The following CTU1 variants were observed in gnomAD, a reference collection of about 807,000 sequenced individuals.
CTU1 encodes cytosolic thiouridylase subunit 1.
In CTU1, 15 loss-of-function variants were observed where a neutral mutation model predicts 12.9. The observed-to-expected ratio is 1.16, with a 90% CI of 0.78 to 1.79. The LOEUF (loss-of-function observed/expected upper bound fraction) is 1.79. Among genes scored for constraint, CTU1 ranks in the 40% most tolerant of loss-of-function variants. The pLI, the probability that CTU1 is intolerant of heterozygous loss-of-function variation, is 0.00. For synonymous variants in CTU1, 295 were observed against 275.6 expected, an observed-to-expected ratio of 1.07 and a Z score of -0.70; for missense variants, 553 against 550.5, an observed-to-expected ratio of 1.00 and a Z score of -0.05.
rs1263326800 is a variant in CTU1, at chr19:51,098,278, C to A, written c.*323G>T. 4 of 183,870 alleles carry A rather than the reference C, an allele frequency of 2.2e-5. No individual in the cohort carries two copies. Among genetic ancestry groups the A allele is most frequent in the African/African-American group, 9.4e-5 (4 of 42,478 alleles). 11.4% of individuals were successfully genotyped at this position (183,870 alleles called of 1,614,324 possible). A position where few individuals can be genotyped will look rare whatever the true frequency, so the allele number is the denominator to read the frequency against. ...CCTGAGACCCAGGAGTCCACGACCC[C>A]AGGCCCTCCTTCCTCAGCCACAGAT... On this transcript the variant is annotated 3_prime_UTR_variant, in exon 3 of 3. Coordinates refer to ENST00000421832, the MANE Select transcript of CTU1 (RefSeq NM_145232.4). The surrounding 1 kb of genome is among the most constrained non-coding windows in gnomAD (Gnocchi z 4.3).
At position 51,099,159 on chromosome 19, in the gene CTU1, G is replaced by A. The variant is rs551527388; in HGVS notation, c.509-20C>T. 21 of 1,563,912 alleles carry A rather than the reference G, an allele frequency of 1.3e-5. No individual in the cohort carries two copies. The African/African-American group carries it at 2.6e-4, about 19-fold the overall frequency. On this transcript the variant is annotated intron_variant, in intron 2 of 2. Coordinates refer to ENST00000421832, the MANE Select transcript of CTU1 (RefSeq NM_145232.4). ...TGTGACCTGGTGGGGAGAGAAGGGA[G>A]CGGGTGAGGTGGGGCGCGGAGGGCG...
intron 1 of CTU1, among the ~76,000 whole-genome samples, chr19:51,105,295 C>T (rs756359977): frequency 2.6e-4 from 40 of 152,138 alleles, no homozygotes; most frequent in Non-Finnish European, 2.4e-4. Context: ...GGGTGGGCCT[C>T]CAAGATTGAA....
At chr19:51,106,325 G>C (rs561899683) in intron 1 of CTU1, among the ~76,000 whole-genome samples, 2 of 152,196 alleles carry the variant, frequency 1.3e-5, no homozygotes, top group South Asian at 2.1e-4. Context: ...CATCTGCAGT[G>C]ACCGTCGGGA....
At chr19:51,099,843 G>A (rs138444593) in intron 2 of CTU1, among the ~76,000 whole-genome samples, 138 of 152,332 alleles carry the variant, frequency 9.1e-4, no homozygotes, top group African/African-American at 1.2e-3. Flanking sequence ...GGGAATTAAG[G>A]TTGCAAGTTG....
intron 2 of CTU1, among the ~76,000 whole-genome samples, chr19:51,102,610 T>C (rs2091909951): frequency 6.6e-6 from 1 of 152,230 alleles, no homozygotes; most frequent in Admixed American, 6.5e-5. Flanking sequence ...TTTGTCCCTG[T>C]CCCTCCAACC....
At position 51,104,141 on chromosome 19, in the gene CTU1, G is replaced by A; in HGVS notation, c.429C>T (p.Cys143=). The A allele has an allele frequency of 1.3e-6, 2 of 1,516,770 alleles. No homozygotes were observed. The highest frequency in any genetic ancestry group is 1.7e-6 in the Non-Finnish European group (2 of 1,144,378). The allele number at this position is 1,516,770 out of a possible 1,614,324, so 94.0% of individuals were successfully genotyped here. Residue 143 remains cysteine (C), a synonymous_variant, in exon 2 of 3, where the codon TGC becomes TGT. Coordinates refer to ENST00000421832, the MANE Select transcript of CTU1 (RefSeq NM_145232.4). The part of the protein sequence containing the change: ...STAGSGRSRS[C]CTFCGVLRRR... The stretch of plus-strand genomic sequence containing the variant: ...GCCGCAGCACTCCACAGAAGGTGCA[G>A]CAGGAGCGGCTGCGGCCGGAGCCGG...
At chr19:51,099,798 G>A (rs780092567) in intron 2 of CTU1, among the ~76,000 whole-genome samples, 1 of 152,162 alleles carries the variant, frequency 6.6e-6, no homozygotes. Flanking sequence ...GCCTAATTCT[G>A]GGAACCTGTT....
At chr19:51,099,183 C>T (rs2091901300) in intron 2 of CTU1, 44 bp from the exon 3 acceptor site, 2 of 1,522,206 alleles carry the variant, frequency 1.3e-6, no homozygotes, top group Non-Finnish European at 1.8e-6. Context: ...GCGCGGAGGG[C>T]GCTGCTGGCC....
intron 2 of CTU1, among the ~76,000 whole-genome samples, chr19:51,101,562 G>A (rs1297618126): frequency 6.6e-6 from 1 of 152,014 alleles, no homozygotes; most frequent in South Asian, 2.1e-4. Context: ...CAAACTATCT[G>A]GCCCCAAATA....
intron 2 of CTU1, among the ~76,000 whole-genome samples, chr19:51,099,914 C>T (rs543783885): frequency 2.0e-5 from 3 of 152,074 alleles, no homozygotes; most frequent in Non-Finnish European, 4.4e-5. Context: ...TATCCAGGTG[C>T]GCTCAAGGTA....
In CTU1 at chr19:51,104,498, C is replaced by T; in HGVS notation, c.72G>A (p.Ala24=). 2.3e-6 allele frequency: 3 copies of T among 1,297,132 alleles called. No individual in the cohort carries two copies. Among genetic ancestry groups the T allele is most frequent in the Non-Finnish European group, 2.9e-6 (3 of 1,024,738 alleles). 80.4% of individuals were successfully genotyped at this position (1,297,132 alleles called of 1,614,324 possible). Residue 24 remains alanine (A), a synonymous_variant, in exon 2 of 3, where the codon GCG becomes GCA. Coordinates refer to ENST00000421832, the MANE Select transcript of CTU1 (RefSeq NM_145232.4). ...CGGCGCAGAAGCAGGCACCGCACAG[C>T]GCTTGGCCCGAGAGCGGACGGCGGA... ...AALRRPLSGQ[A]LCGACFCAAF... is the part of the protein sequence containing the mutation.
chr19:51,098,919 G>C lies in CTU1; in HGVS notation c.729C>G (p.Ala243=). 1.3e-6 allele frequency: 2 copies of C among 1,525,704 alleles called. No homozygotes were observed. Among genetic ancestry groups the C allele is most frequent in the Non-Finnish European group, 1.8e-6 (2 of 1,140,834 alleles). 94.5% of individuals were successfully genotyped at this position (1,525,704 alleles called of 1,614,324 possible). ...GCAGGTCCCGGGCGTGGCCGCGGAA[G>C]GCCTCGGGCGCGTAGACGCACTCCT... ...FSEECVYAPE[A]FRGHARDLLK... Residue 243 remains alanine, a synonymous_variant, in exon 3 of 3, where the codon GCC becomes GCG. Transcript: ENST00000421832. This position sits in a 1 kb window ranked among gnomAD's most constrained non-coding sequence, Gnocchi z 4.3.
rs1297797994 is a variant in CTU1, at chr19:51,098,902, C to T, written c.746G>A (p.Arg249Gln). The change falls in exon 3 of 3, where the codon CGG becomes CAG. Residue 249 changes from arginine (R) to glutamine (Q), a missense_variant. By Grantham distance (43) the Arg-to-Gln change is conservative. This residue lies in a region of CTU1 where 500 missense variants were observed against 458.5 expected (regional missense o/e 1.09). Transcript: ENST00000421832. The surrounding 1 kb of genome is among the most constrained non-coding windows in gnomAD (Gnocchi z 4.3). ...CGCCTCCAGGCGCTTGAGCAGGTCCCGGGCGTGGCCGCGGAAGGCCTCGGG... is the reference window on the plus strand; with the variant it reads ...CGCCTCCAGGCGCTTGAGCAGGTCCTGGGCGTGGCCGCGGAAGGCCTCGGG... ...YAPEAFRGHA[R>Q]DLLKRLEAAR... 2.0e-6 allele frequency: 3 copies of T among 1,507,364 alleles called. No individual in the cohort carries two copies. Among genetic ancestry groups the T allele is most frequent in the Admixed American group, 3.8e-5 (2 of 52,820 alleles). The allele number at this position is 1,507,364 out of a possible 1,614,324, so 93.4% of individuals were successfully genotyped here. A position where few individuals can be genotyped will look rare whatever the true frequency, so the allele number is the denominator to read the frequency against.
chr19:51,107,133 A>G (rs1367892251), intron 1 of CTU1, among the ~76,000 whole-genome samples: 2 of 152,182 alleles, frequency 1.3e-5, no homozygotes, highest in African/African-American at 2.4e-5. Flanking sequence ...CGCAGGGGAC[A>G]AGGCTGCACA....
At chr19:51,103,898 G>T (rs958250051) in intron 2 of CTU1, among the ~76,000 whole-genome samples, 164 bp downstream of exon 2, 20 of 152,134 alleles carry the variant, frequency 1.3e-4, no homozygotes, top group African/African-American at 4.8e-4. Flanking sequence ...TGCAGCATGC[G>T]CCCTTCCGCA....
At chr19:51,099,535 A>T (rs2091902291) in intron 2 of CTU1, among the ~76,000 whole-genome samples, 1 of 152,044 alleles carries the variant, frequency 6.6e-6, no homozygotes, top group Non-Finnish European at 1.5e-5. Flanking sequence ...GAGAAACATA[A>T]GCTCCCCTGG....
rs2091914632 is a variant in CTU1, at chr19:51,104,346, G to A, written c.224C>T (p.Ala75Val). ...CTGCAGTGAGATGCCCAGGCGCGGC[G>A]CCAGCGCGCGCAGCACGTGCGCCAG... ...TVLAHVLRALAPRLGISLQLV... is the reference protein window; with the variant it reads ...TVLAHVLRALVPRLGISLQLV... Residue 75 changes from alanine (A) to valine (V), a missense_variant, in exon 2 of 3, where the codon GCG becomes GTG. This residue lies in a region of CTU1 where 500 missense variants were observed against 458.5 expected (regional missense o/e 1.09). Coordinates refer to ENST00000421832, the MANE Select transcript of CTU1 (RefSeq NM_145232.4). 1.4e-6 allele frequency: 2 copies of A among 1,455,512 alleles called. No individual in the cohort carries two copies. The highest frequency in any genetic ancestry group is 9.0e-7 in the Non-Finnish European group (1 of 1,108,762). 90.2% of individuals were successfully genotyped at this position (1,455,512 alleles called of 1,614,324 possible).
chr19:51,102,337 T>C (rs2091909319), intron 2 of CTU1, among the ~76,000 whole-genome samples: 2 of 152,220 alleles, frequency 1.3e-5, no homozygotes, highest in Admixed American at 6.5e-5. Flanking sequence ...CTGTCTGCTC[T>C]TGTATGGTAA....
At chr19:51,101,584 G>GAAGT (rs1182266880) in intron 2 of CTU1, among the ~76,000 whole-genome samples, 4 of 152,320 alleles carry the variant, frequency 2.6e-5, no homozygotes, top group Admixed American at 2.6e-4. Context: ...CAATAGGGCT[G>GAAGT]AAGTTGAGAG....
Sources: allele counts gnomAD v4.1 joint callset (sites outside exome capture counted in the v4.1 genomes callset), GRCh38; gene constraint gnomAD v4.1.1; regional missense constraint gnomAD v4.1.1; non-coding constraint Gnocchi (gnomAD v3.1); transcripts MANE v1.5; gene names NCBI Gene and HGNC (gene_info 2026-07-23, HGNC 2026-07-21).